The following SGSM1 variants were observed in gnomAD, a reference collection of about 807,000 sequenced individuals.
SGSM1 encodes RUN and TBC1 domain containing 2.
In SGSM1, 73 loss-of-function variants were observed where a neutral mutation model predicts 133.8. The ratio of observed to expected loss-of-function variants is 0.55; its 90% CI spans 0.45 to 0.66. SGSM1 has a LOEUF of 0.66. Ranked by LOEUF, SGSM1 falls within the 30% of genes least tolerant of loss-of-function variation. The probability of loss-of-function intolerance (pLI) is 0.00; values close to 1 mark genes in which losing one functional copy is unlikely to be tolerated. For missense variants in SGSM1, 1,213 were observed against 1,448.1 expected, an observed-to-expected ratio of 0.84 and a Z score of 2.64; for synonymous variants, 563 against 573.0, an observed-to-expected ratio of 0.98 and a Z score of 0.25.
intron 2 of SGSM1, among the ~76,000 whole-genome samples, chr22:24,819,328 A>G (rs1928330778): frequency 6.6e-6 from 1 of 152,218 alleles, no homozygotes; most frequent in African/African-American, 2.4e-5. Context: ...CACACTAGCC[A>G]TATTTCAAGC....
intron 9 of SGSM1, among the ~76,000 whole-genome samples, chr22:24,861,121 G>A (rs1218030106): frequency 4.0e-5 from 6 of 150,820 alleles, no homozygotes; most frequent in Non-Finnish European, 3.0e-5. Flanking sequence ...TTGGGAGGCT[G>A]AGGCAGGTAG....
chr22:24,858,656 A>G (rs1197384810), intron 8 of SGSM1, among the ~76,000 whole-genome samples: 2 of 148,806 alleles, frequency 1.3e-5, no homozygotes, highest in Non-Finnish European at 3.0e-5. Context: ...AAAAAAAAAA[A>G]GAAGAAAGAC....
Position 24,898,463 on chromosome 22 carries a change from TG to T in SGSM1, c.2515del (p.Glu839ArgfsTer14). The T allele has an allele frequency of 6.2e-7, 1 of 1,613,660 alleles. No homozygotes were observed. The highest frequency in any genetic ancestry group is 2.2e-5 in the East Asian group (1 of 44,862). ...DSEDNLSEEP[E>X]MESLFPALAS... Reference sequence around the variant, plus strand: ...GTGAGGACAACCTCTCGGAGGAGCCTGAGATGGAAAGTCTCTTCCCTGCCCT... The same window carrying T: ...GTGAGGACAACCTCTCGGAGGAGCCTAGATGGAAAGTCTCTTCCCTGCCCT... On this transcript the variant is annotated frameshift_variant, in exon 19 of 25. Coordinates refer to ENST00000400358, the MANE Select transcript of SGSM1 (RefSeq NM_001098497.3). LOFTEE classifies it high-confidence loss of function.
chr22:24,844,198 C>G (rs1929960131), intron 2 of SGSM1: 1 of 152,214 alleles, frequency 6.6e-6, no homozygotes, highest in Non-Finnish European at 1.5e-5. Flanking sequence ...AACTTAAATT[C>G]TAGAAGAGAG....
intron 22 of SGSM1, among the ~76,000 whole-genome samples, chr22:24,917,124 T>G (rs535954164): frequency 6.6e-6 from 1 of 151,666 alleles, no homozygotes; most frequent in South Asian, 2.1e-4. Context: ...AACTCCTGGC[T>G]TCAAGTGATC....
intron 2 of SGSM1, among the ~76,000 whole-genome samples, chr22:24,821,894 T>C (rs1044902509): frequency 6.6e-6 from 1 of 152,028 alleles, no homozygotes; most frequent in Non-Finnish European, 1.5e-5. Flanking sequence ...GAGTGGTACC[T>C]TTGTTAGGAT....
At position 24,867,140 on chromosome 22, in the gene SGSM1, A is replaced by G. The variant is rs1398649641; in HGVS notation, c.974A>G (p.Tyr325Cys). 6 of 1,613,660 alleles carry G rather than the reference A, an allele frequency of 3.7e-6. No individual in the cohort carries two copies. In the African/African-American group the frequency reaches 6.7e-5, roughly 18 times the overall value. Residue 325 changes from tyrosine to cysteine, a missense_variant, in exon 10 of 25, where the codon TAC becomes TGC. Coordinates refer to ENST00000400358, the MANE Select transcript of SGSM1 (RefSeq NM_001098497.3). ...AMTIRLEEIV[Y>C]LHCHQQVDSG... ...ACCATCCGCTTGGAGGAGATTGTCTACCTGCACTGCCACCAGCAAGGTAGG... is the reference window on the plus strand; with the variant it reads ...ACCATCCGCTTGGAGGAGATTGTCTGCCTGCACTGCCACCAGCAAGGTAGG...
intron 22 of SGSM1, 21 bp downstream of exon 22, chr22:24,912,773 T>A (rs1228873723): frequency 6.3e-7 from 1 of 1,580,078 alleles, no homozygotes; most frequent in Non-Finnish European, 8.7e-7. Flanking sequence ...GCATCCATTC[T>A]TGCTTTGGAC....
chr22:24,848,807 G>A (rs994501077), intron 4 of SGSM1, among the ~76,000 whole-genome samples: 1 of 152,188 alleles, frequency 6.6e-6, no homozygotes, highest in East Asian at 1.9e-4. Context: ...GCTGTGGATG[G>A]TCACTCCACT....
intron 2 of SGSM1, chr22:24,844,680 C>A (rs186238830): frequency 1.8e-5 from 10 of 549,752 alleles, no homozygotes; most frequent in African/African-American, 3.8e-5. Context: ...GTGTGAAGAA[C>A]CTGAACGAAT....
intron 2 of SGSM1, among the ~76,000 whole-genome samples, chr22:24,823,562 C>T (rs1199643622): frequency 6.6e-6 from 1 of 152,058 alleles, no homozygotes; most frequent in Non-Finnish European, 1.5e-5. Context: ...AATTGCGCCA[C>T]TGCACTCCAG....
Position 24,876,606 on chromosome 22 carries a change from A to G in SGSM1, c.1321A>G (p.Ser441Gly). Residue 441 changes from serine (S) to glycine (G), a missense_variant, in exon 13 of 25, where the codon AGC (serine) becomes GGC (glycine). Ser to Gly is a moderately conservative substitution (Grantham distance 56, BLOSUM62 0). Coordinates refer to ENST00000400358, the MANE Select transcript of SGSM1 (RefSeq NM_001098497.3). The stretch of plus-strand genomic sequence containing the variant: ...CCAGGATCTGATGGACGTCTCTGTA[A>G]GCAACCTCCCATCCCTGTGGCAGCC... ...VPQDLMDVSV[S>G]NLPSLWQPSP... The G allele has an allele frequency of 6.2e-7, 1 of 1,613,952 alleles. No individual in the cohort carries two copies.
chr22:24,891,063 G>A (rs1932806717), intron 16 of SGSM1, among the ~76,000 whole-genome samples: 1 of 152,222 alleles, frequency 6.6e-6, no homozygotes, highest in Non-Finnish European at 1.5e-5. Flanking sequence ...CTAACTAGAT[G>A]TTATAGCCTG....
intron 2 of SGSM1, among the ~76,000 whole-genome samples, chr22:24,831,576 C>A (rs546544487): frequency 3.3e-4 from 50 of 152,170 alleles, no homozygotes; most frequent in Non-Finnish European, 6.6e-4. Flanking sequence ...GGCCGAGGAG[C>A]CTGGAGGCAG....
chr22:24,913,613 ACTT>A lies in SGSM1; in HGVS notation c.2928+868_2928+870del, dbSNP rs367706510. Among the ~76,000 whole-genome samples, 69 of 152,324 alleles carry A rather than the reference ACTT, an allele frequency of 4.5e-4. No homozygotes were observed. In the East Asian group the frequency reaches 0.011, roughly 25 times the overall value. ...AGCAGTGGGGCTACAGTTAGCTCTG[ACTT>A]CTTCTTTAGTGGAACTTTAAAATAC... On this transcript the variant is annotated intron_variant, in intron 22 of 24. Coordinates refer to ENST00000400358, the MANE Select transcript of SGSM1 (RefSeq NM_001098497.3).
intron 24 of SGSM1, among the ~76,000 whole-genome samples, chr22:24,923,630 A>T (rs1000211332): frequency 1.9e-4 from 28 of 149,080 alleles, no homozygotes; most frequent in Middle Eastern, 3.5e-3. Flanking sequence ...TTTTATTTTT[A>T]TTTTTTTTTG....
At chr22:24,850,977 T>G (rs1167914164) in intron 5 of SGSM1, among the ~76,000 whole-genome samples, 1 of 151,820 alleles carries the variant, frequency 6.6e-6, no homozygotes, top group African/African-American at 2.4e-5. Flanking sequence ...GGCAGGTGTC[T>G]GTAGCTCCAG....
At chr22:24,809,074 GT>G (rs1452214326) in intron 2 of SGSM1, among the ~76,000 whole-genome samples, 1 of 152,152 alleles carries the variant, frequency 6.6e-6, no homozygotes, top group Non-Finnish European at 1.5e-5. Flanking sequence ...AACAGGTTCC[GT>G]TCTTCTGTCT....
At chr22:24,818,521 C>T (rs1928256655) in intron 2 of SGSM1, among the ~76,000 whole-genome samples, 1 of 151,592 alleles carries the variant, frequency 6.6e-6, no homozygotes, top group African/African-American at 2.4e-5. Context: ...GTGCCTGCCA[C>T]CACATCCGGC....
Sources: allele counts gnomAD v4.1 joint callset (sites outside exome capture counted in the v4.1 genomes callset), GRCh38; gene constraint gnomAD v4.1.1; transcripts MANE v1.5; gene names NCBI Gene and HGNC (gene_info 2026-07-23, HGNC 2026-07-21).